Variants in RAB3IL1 observed in about 807,000 individuals in gnomAD.
RAB3IL1 encodes RAB3A interacting protein like 1, also known as guanine nucleotide exchange factor for Rab-3A.
A neutral mutation model predicts 49.2 loss-of-function variants in RAB3IL1; 37 were observed. That is an observed-to-expected ratio of 0.75 (90% CI 0.58 to 0.99). RAB3IL1 has a LOEUF of 0.99. Among genes scored for constraint, RAB3IL1 ranks in the 50% least tolerant of loss-of-function variants. RAB3IL1 has a pLI of 0.00. For missense variants in RAB3IL1, 484 were observed against 513.0 expected, an observed-to-expected ratio of 0.94 and a Z score of 0.55; for synonymous variants, 193 against 213.9, an observed-to-expected ratio of 0.90 and a Z score of 0.85.
At chr11:61,933,407 A>G in the RAB3IL1 span, among the ~76,000 whole-genome samples, 1 of 70,582 alleles carries the variant, frequency 1.4e-5, no homozygotes, top group African/African-American at 5.2e-5. Context: ...GCTGAAAGAG[A>G]CAAGAGAGCC....
At chr11:61,899,562 TAGCAGC>T (rs765570044) in intron 8 of RAB3IL1, 182 bp from the exon 9 acceptor site, 5 of 587,214 alleles carry the variant, frequency 8.5e-6, no homozygotes, top group African/African-American at 1.9e-5. Flanking sequence ...CCTGCTGTAA[TAGCAGC>T]AGCAGCAGCA....
At chr11:61,922,438 C>G (rs1939929627), upstream of RAB3IL1, among the ~76,000 whole-genome samples, 2 of 152,136 alleles carry the variant, frequency 1.3e-5, no homozygotes, top group South Asian at 4.1e-4. Context: ...AGGAGAATCG[C>G]TTGAACCCAG....
the RAB3IL1 span, among the ~76,000 whole-genome samples, chr11:61,942,008 T>C: frequency 2.0e-5 from 3 of 151,786 alleles, no homozygotes; most frequent in African/African-American, 7.3e-5. Context: ...GTCAGAAATT[T>C]GAGACCAGCC....
At chr11:61,919,904 A>T, upstream of RAB3IL1, 1 of 513,662 alleles carries the variant, frequency 1.9e-6, no homozygotes, top group Non-Finnish European at 3.0e-6. Context: ...TTCAGTCTCC[A>T]CCTCTGTACA....
At chr11:61,919,182 C>T (rs1399009824), upstream of RAB3IL1, among the ~76,000 whole-genome samples, 1 of 152,178 alleles carries the variant, frequency 6.6e-6, no homozygotes, top group African/African-American at 2.4e-5. Flanking sequence ...GTCATGGCAA[C>T]CCAGACCAGT....
the RAB3IL1 span, among the ~76,000 whole-genome samples, chr11:61,945,617 A>G: frequency 1.3e-5 from 2 of 152,186 alleles, no homozygotes; most frequent in South Asian, 4.1e-4. Context: ...GAGGCTACTC[A>G]CTGGGTGTGA....
chr11:61,918,519 C>T (rs1168990621), upstream of RAB3IL1, among the ~76,000 whole-genome samples: 5 of 152,234 alleles, frequency 3.3e-5, no homozygotes, highest in South Asian at 2.1e-4. Flanking sequence ...TCTACTCATT[C>T]ATACATTCAG....
At chr11:61,927,740 G>GT in the RAB3IL1 span, among the ~76,000 whole-genome samples, 1 of 151,476 alleles carries the variant, frequency 6.6e-6, no homozygotes, top group African/African-American at 2.4e-5. Context: ...AGATCTGGTT[G>GT]TTTAAGAGTC....
At chr11:61,936,261 A>G in the RAB3IL1 span, among the ~76,000 whole-genome samples, 1 of 152,220 alleles carries the variant, frequency 6.6e-6, no homozygotes, top group African/African-American at 2.4e-5. Context: ...ATGGCCCAAA[A>G]CTTCCAATAT....
the RAB3IL1 span, among the ~76,000 whole-genome samples, chr11:61,936,461 G>C: frequency 1.3e-5 from 2 of 152,132 alleles, no homozygotes; most frequent in African/African-American, 4.8e-5. Context: ...GAGTGCAGTG[G>C]CACGATCTCA....
intron 4 of RAB3IL1, 47 bp downstream of exon 4, chr11:61,907,335 GAGCCGGGAGGC>G (rs1389452182): frequency 6.4e-7 from 1 of 1,573,512 alleles, no homozygotes; most frequent in African/African-American, 1.3e-5. Context: ...AGTGCTCGCT[GAGCCGGGAGGC>G]AGGGGGGGTG....
In RAB3IL1 at chr11:61,917,337, G is replaced by A. The variant is rs1333093985; in HGVS notation, c.11+20C>T. The A allele has an allele frequency of 5.3e-6, 7 of 1,313,238 alleles. No individual in the cohort carries two copies. The highest frequency in any genetic ancestry group is 3.9e-6 in the Non-Finnish European group (4 of 1,031,388). The allele number at this position is 1,313,238 out of a possible 1,614,324, so 81.3% of individuals were successfully genotyped here. A position where few individuals can be genotyped will look rare whatever the true frequency, so the allele number is the denominator to read the frequency against. On this transcript the variant is annotated intron_variant, in intron 1 of 9. Transcript: ENST00000394836. The stretch of plus-strand genomic sequence containing the variant: ...CGCGGCCCAGACCCAGCGCGGGACC[G>A]CGAGCGCGCGCGGACCTACCCGCTC...
At chr11:61,911,555 G>C (rs1365054882) in intron 1 of RAB3IL1, among the ~76,000 whole-genome samples, 2 of 152,140 alleles carry the variant, frequency 1.3e-5, no homozygotes, top group African/African-American at 4.8e-5. Flanking sequence ...CTCAGTCGTG[G>C]GGCAAGCAGG....
In RAB3IL1 at chr11:61,915,112, G is replaced by A. The variant is rs565439193; in HGVS notation, c.11+2245C>T. Among the ~76,000 whole-genome samples the A allele has an allele frequency of 4.6e-5, 7 of 152,206 alleles. No homozygotes were observed. The East Asian group carries it at 9.6e-4, about 21-fold the overall frequency. ...CCCCAAGCTCTGCCTCACCCCTTCC[G>A]CCAGCTTCTCACTGCCCCTCATCCT... is the stretch of plus-strand genomic sequence containing the variant. On this transcript the variant is annotated intron_variant, in intron 1 of 9. Transcript: ENST00000394836.
chr11:61,898,954 G>T lies in RAB3IL1; in HGVS notation c.1066+360C>A. ...GGGCTGTGGGGGGAGGGGGTGGAGG[G>T]AGGCCCTGTCCAGCATGGAGTGGAG... is the stretch of plus-strand genomic sequence containing the variant. On this transcript the variant is annotated intron_variant, in intron 9 of 9. Transcript: ENST00000394836. This position sits in a 1 kb window ranked among gnomAD's most constrained non-coding sequence, Gnocchi z 5.1. 2.0e-6 allele frequency: 1 copy of T among 495,422 alleles called. No homozygotes were observed. The highest frequency in any genetic ancestry group is 3.9e-6 in the Non-Finnish European group (1 of 254,372). 30.7% of individuals were successfully genotyped at this position (495,422 alleles called of 1,614,324 possible). A position where few individuals can be genotyped will look rare whatever the true frequency, so the allele number is the denominator to read the frequency against.
the RAB3IL1 span, among the ~76,000 whole-genome samples, chr11:61,934,246 T>C: frequency 2.0e-5 from 3 of 150,192 alleles, no homozygotes; most frequent in Admixed American, 2.0e-4. Flanking sequence ...TGGGCTCAAG[T>C]GATCCTCCTA....
chr11:61,898,412 G>T lies in RAB3IL1; in HGVS notation c.1067-52C>A. The T allele has an allele frequency of 6.6e-7, 1 of 1,504,846 alleles. No individual in the cohort carries two copies. The highest frequency in any genetic ancestry group is 9.2e-7 in the Non-Finnish European group (1 of 1,084,470). 93.2% of individuals were successfully genotyped at this position (1,504,846 alleles called of 1,614,324 possible). A position where few individuals can be genotyped will look rare whatever the true frequency, so the allele number is the denominator to read the frequency against. On this transcript the variant is annotated intron_variant, in intron 9 of 9. Transcript: ENST00000394836. This position sits in a 1 kb window ranked among gnomAD's most constrained non-coding sequence, Gnocchi z 5.1. ...TCGGGGACAGCTCAGGGTCACCTCG[G>T]GCAGATGGCCAGGTCCCCTCCTGTG...
In RAB3IL1 at chr11:61,899,339, G is replaced by C. The variant is rs1168409062; in HGVS notation, c.1041C>G (p.Ile347Met). The C allele has an allele frequency of 6.2e-7, 1 of 1,608,508 alleles. No homozygotes were observed. The highest frequency in any genetic ancestry group is 1.7e-5 in the Admixed American group (1 of 59,974). Reference sequence around the variant, plus strand: ...CGTCCTGCCGCACCAGGCCTTGCTGGATGTAGCGGATGTAGGTGAAGAAGT... The same window carrying C: ...CGTCCTGCCGCACCAGGCCTTGCTGCATGTAGCGGATGTAGGTGAAGAAGT... ...VCNFFTYIRY[I>M]QQGLVRQDAE... is the part of the protein sequence containing the mutation. The change falls in exon 9 of 10, where the codon ATC (isoleucine) becomes ATG (methionine). Residue 347 changes from isoleucine (I) to methionine (M), a missense_variant. Physicochemically the swap from Ile to Met is conservative, Grantham distance 10. Coordinates refer to ENST00000394836, the MANE Select transcript of RAB3IL1 (RefSeq NM_013401.4).
intron 1 of RAB3IL1, among the ~76,000 whole-genome samples, chr11:61,913,605 C>T (rs906972408): frequency 3.9e-5 from 6 of 152,182 alleles, no homozygotes; most frequent in African/African-American, 1.4e-4. Flanking sequence ...TAGGAGGGGG[C>T]GCATCTCACT....
Sources: allele counts gnomAD v4.1 joint callset (sites outside exome capture counted in the v4.1 genomes callset), GRCh38; gene constraint gnomAD v4.1.1; non-coding constraint Gnocchi (gnomAD v3.1); transcripts MANE v1.5; gene names NCBI Gene and HGNC (gene_info 2026-07-23, HGNC 2026-07-21).